ZPLD1: variants seen among roughly 807,000 people sequenced by gnomAD.
The protein encoded by ZPLD1 is zona pellucida like domain containing 1.
Under a neutral mutation model 47.2 loss-of-function variants are expected in ZPLD1, and 34 were observed. The observed-to-expected ratio is 0.72, with a 90% CI of 0.55 to 0.96. ZPLD1 has a LOEUF of 0.96. Among genes scored for constraint, ZPLD1 ranks in the 40% least tolerant of loss-of-function variants. The pLI is 0.00. For missense variants in ZPLD1, 512 were observed against 505.8 expected, an observed-to-expected ratio of 1.01 and a Z score of -0.12; for synonymous variants, 176 against 186.2, an observed-to-expected ratio of 0.95 and a Z score of 0.45.
chr3:102,476,798 A>G (rs1190997535), intron 10 of ZPLD1, among the ~76,000 whole-genome samples: 1 of 152,104 alleles, frequency 6.6e-6, no homozygotes, highest in Admixed American at 6.6e-5. Context: ...GGGAATAGAA[A>G]GATGATGAAA....
At chr3:102,455,341 A>G (rs751956932) in intron 4 of ZPLD1, among the ~76,000 whole-genome samples, 5 of 152,226 alleles carry the variant, frequency 3.3e-5, no homozygotes, top group African/African-American at 4.8e-5. Flanking sequence ...TGGATCTTAA[A>G]TTTTAGTAAG....
At chr3:102,432,305 G>GT (rs1707025720), upstream of ZPLD1, among the ~76,000 whole-genome samples, 1 of 152,176 alleles carries the variant, frequency 6.6e-6, no homozygotes, top group African/African-American at 2.4e-5. Context: ...AGTAAATGCA[G>GT]TGGAGAGCCA....
Position 102,477,505 on chromosome 3 carries a change from G to A in ZPLD1, c.1135G>A (p.Val379Ile), listed in dbSNP as rs868367679. 6.2e-7 allele frequency: 1 copy of A among 1,613,772 alleles called. No individual in the cohort carries two copies. Among genetic ancestry groups the A allele is most frequent in the Non-Finnish European group, 8.5e-7 (1 of 1,179,750 alleles). Residue 379 changes from valine (V) to isoleucine (I), a missense_variant, in exon 12 of 12, where the codon GTC becomes ATC. Coordinates refer to ENST00000466937, the MANE Select transcript of ZPLD1 (RefSeq NM_001329788.2). ...CACCAGCGCACTGATATCAGGAATGGTCATTCTGGGAGTTACGAGCTTTTC... is the reference window on the plus strand; with the variant it reads ...CACCAGCGCACTGATATCAGGAATGATCATTCTGGGAGTTACGAGCTTTTC... ...AITSALISGMVILGVTSFSLL... is the reference protein window; with the variant it reads ...AITSALISGMIILGVTSFSLL...
intron 6 of ZPLD1, among the ~76,000 whole-genome samples, chr3:102,386,053 G>A (rs912451788): frequency 6.6e-5 from 10 of 152,010 alleles, no homozygotes; most frequent in African/African-American, 2.2e-4. Context: ...TTTATCTCTT[G>A]CAAGAAATCA....
chr3:102,450,893 A>G (rs966729749), intron 3 of ZPLD1, among the ~76,000 whole-genome samples: 5 of 152,212 alleles, frequency 3.3e-5, no homozygotes, highest in Non-Finnish European at 5.9e-5. Context: ...TTATCTTTGC[A>G]TTTAAATAGT....
chr3:102,435,458 T>C (rs1707075072), intron 1 of ZPLD1, among the ~76,000 whole-genome samples: 1 of 152,186 alleles, frequency 6.6e-6, no homozygotes, highest in African/African-American at 2.4e-5. Flanking sequence ...AGTACATGGC[T>C]AGTCCAAAGA....
At chr3:102,465,379 C>A (rs371003390) in intron 8 of ZPLD1, among the ~76,000 whole-genome samples, 1 of 152,112 alleles carries the variant, frequency 6.6e-6, no homozygotes, top group South Asian at 2.1e-4. Flanking sequence ...CTACCTTCTC[C>A]CTTTCTGTCC....
At chr3:102,467,838 C>CACACACAT (rs1707621174) in intron 8 of ZPLD1, among the ~76,000 whole-genome samples, 1 of 86,324 alleles carries the variant, frequency 1.2e-5, no homozygotes, top group African/African-American at 6.4e-5. Flanking sequence ...TAAAACTGTA[C>CACACACAT]ACACACACAC....
At chr3:102,466,853 T>C (rs1707600918) in intron 8 of ZPLD1, among the ~76,000 whole-genome samples, 2 of 152,158 alleles carry the variant, frequency 1.3e-5, no homozygotes, top group African/African-American at 4.8e-5. Context: ...GATATATGTA[T>C]AATATGCATA....
chr3:102,459,655 A>G (rs746267339), intron 6 of ZPLD1, among the ~76,000 whole-genome samples: 4 of 152,178 alleles, frequency 2.6e-5, no homozygotes, highest in Non-Finnish European at 2.9e-5. Context: ...ACTACAAGTG[A>G]AATAGATGGT....
intron 7 of ZPLD1, among the ~76,000 whole-genome samples, chr3:102,416,858 G>A (rs1424003427): frequency 2.0e-5 from 3 of 151,852 alleles, no homozygotes; most frequent in Non-Finnish European, 4.4e-5. Context: ...ATATGAGCCT[G>A]GATTTGTTTG....
At chr3:102,467,876 C>CACAT (rs71627612) in intron 8 of ZPLD1, among the ~76,000 whole-genome samples, 2 of 148,608 alleles carry the variant, frequency 1.3e-5, no homozygotes, top group Non-Finnish European at 3.0e-5. Flanking sequence ...CACACACACA[C>CACAT]GGAATGTCCA....
At chr3:102,392,179 A>G (rs1467200143) in exon 7 of ZPLD1, 1 of 152,194 alleles carries the variant, frequency 6.6e-6, no homozygotes, top group Admixed American at 6.6e-5. Context: ...GGCACTTAGT[A>G]TAAACCGATG....
chr3:102,429,935 G>A (rs970789137), intron 8 of ZPLD1, among the ~76,000 whole-genome samples: 3 of 151,908 alleles, frequency 2.0e-5, no homozygotes, highest in Admixed American at 1.3e-4. Context: ...TTCCTTTTTC[G>A]TACTCACTCT....
At chr3:102,389,287 C>G (rs112328977) in intron 6 of ZPLD1, among the ~76,000 whole-genome samples, 6 of 152,296 alleles carry the variant, frequency 3.9e-5, no homozygotes, top group African/African-American at 1.4e-4. Flanking sequence ...AAGATCAACA[C>G]ATATGGTTGA....
intron 3 of ZPLD1, among the ~76,000 whole-genome samples, chr3:102,446,973 GTAGTT>G (rs1387447945): frequency 2.0e-5 from 3 of 152,196 alleles, no homozygotes; most frequent in African/African-American, 7.2e-5. Flanking sequence ...GAAGTGGCAT[GTAGTT>G]TAGATCTTGA....
chr3:102,410,119 T>G (rs1369740025), intron 7 of ZPLD1, among the ~76,000 whole-genome samples: 2 of 151,834 alleles, frequency 1.3e-5, no homozygotes, highest in Non-Finnish European at 2.9e-5. Flanking sequence ...TTGGAGAGTC[T>G]TCCTTTCAGT....
intron 4 of ZPLD1, among the ~76,000 whole-genome samples, chr3:102,453,644 G>A (rs1214848239): frequency 1.3e-5 from 2 of 152,106 alleles, no homozygotes; most frequent in African/African-American, 4.8e-5. Flanking sequence ...CAGTATTTCT[G>A]GTATAATATT....
chr3:102,467,813 TTAAC>T (rs1464344778), intron 8 of ZPLD1, among the ~76,000 whole-genome samples: 2 of 145,188 alleles, frequency 1.4e-5, no homozygotes, highest in Non-Finnish European at 3.0e-5. Context: ...TATTGAAAAT[TTAAC>T]TACGTAAGAA....
Sources: allele counts gnomAD v4.1 joint callset (sites outside exome capture counted in the v4.1 genomes callset), GRCh38; gene constraint gnomAD v4.1.1; transcripts MANE v1.5; gene names NCBI Gene and HGNC (gene_info 2026-07-23, HGNC 2026-07-21).